IFT80: variants seen among roughly 807,000 people sequenced by gnomAD.
IFT80 encodes intraflagellar transport protein 80 homolog.
IFT80 carries 79 observed loss-of-function variants against 107.9 expected under a neutral mutation model. The ratio of observed to expected loss-of-function variants is 0.73; its 90% confidence interval spans 0.61 to 0.88. IFT80 has a LOEUF of 0.88. IFT80 is among the 40% of genes least tolerant of loss of function. IFT80 has a pLI of 0.00. For synonymous variants in IFT80, 299 were observed against 300.9 expected (o/e 0.99, Z 0.07); for missense variants, 797 against 914.2 (o/e 0.87, Z 1.65).
At chr3:160,360,362 G>C (rs934560136) in intron 6 of IFT80, among the ~76,000 whole-genome samples, 4 of 152,180 alleles carry the variant, frequency 2.6e-5, no homozygotes, top group Admixed American at 6.5e-5. Flanking sequence ...TATGTGAAAA[G>C]ACCAAATCTA....
intron 12 of IFT80, among the ~76,000 whole-genome samples, chr3:160,292,410 C>T (rs1364159096): frequency 6.6e-6 from 1 of 151,436 alleles, no homozygotes; most frequent in African/African-American, 2.4e-5. Context: ...CTTGCATTAC[C>T]AGCATGAGTA....
At chr3:160,356,840 AT>A (rs1260487048) in intron 7 of IFT80, among the ~76,000 whole-genome samples, 3 of 151,894 alleles carry the variant, frequency 2.0e-5, no homozygotes, top group Non-Finnish European at 4.4e-5. Context: ...TTTTGCTTAA[AT>A]TTTTTCTCCC....
At chr3:160,370,195 T>TTA (rs1342502959) in intron 5 of IFT80, among the ~76,000 whole-genome samples, 1 of 152,168 alleles carries the variant, frequency 6.6e-6, no homozygotes, top group African/African-American at 2.4e-5. Context: ...TGTTCACTAC[T>TTA]CTAATAAATT....
chr3:160,371,682 A>T (rs567222274), intron 5 of IFT80, among the ~76,000 whole-genome samples: 1 of 152,156 alleles, frequency 6.6e-6, no homozygotes, highest in Non-Finnish European at 1.5e-5. Flanking sequence ...GGCTCAAGTG[A>T]TCTGCCCACT....
At chr3:160,348,040 C>G (rs1327110896) in intron 8 of IFT80, among the ~76,000 whole-genome samples, 1 of 152,114 alleles carries the variant, frequency 6.6e-6, no homozygotes, top group Non-Finnish European at 1.5e-5. Context: ...CTCATTTCCT[C>G]CTGCTCAAGT....
At chr3:160,393,049 C>T (rs1225308397) in intron 1 of IFT80, among the ~76,000 whole-genome samples, 1 of 152,114 alleles carries the variant, frequency 6.6e-6, no homozygotes, top group African/African-American at 2.4e-5. Flanking sequence ...CCCAGCCTGG[C>T]CAACAGAGTG....
chr3:160,281,306 C>G (rs1714671080), intron 14 of IFT80, among the ~76,000 whole-genome samples: 1 of 152,188 alleles, frequency 6.6e-6, no homozygotes, highest in Non-Finnish European at 1.5e-5. Flanking sequence ...AGCAAGAGGC[C>G]AAGATCCACA....
At chr3:160,366,294 G>C (rs1036978726) in intron 5 of IFT80, 142 bp from the exon 6 acceptor site, 5 of 664,660 alleles carry the variant, frequency 7.5e-6, no homozygotes, top group East Asian at 2.7e-5. Flanking sequence ...TTTCAAATTA[G>C]AGTATATAGT....
chr3:160,298,844 A>G (rs1716192927), intron 12 of IFT80, among the ~76,000 whole-genome samples: 1 of 152,102 alleles, frequency 6.6e-6, no homozygotes, highest in South Asian at 2.1e-4. Flanking sequence ...CTGTAACACA[A>G]TGGTATTTGT....
At chr3:160,346,112 G>A (rs1189014513) in intron 8 of IFT80, among the ~76,000 whole-genome samples, 5 of 152,258 alleles carry the variant, frequency 3.3e-5, no homozygotes, top group African/African-American at 9.6e-5. Context: ...CAGGTGGTGC[G>A]TAGTGGGGAA....
chr3:160,303,112 A>G (rs1716562246), intron 11 of IFT80, among the ~76,000 whole-genome samples: 2 of 152,180 alleles, frequency 1.3e-5, no homozygotes, highest in Admixed American at 1.3e-4. Flanking sequence ...CACTATTAAG[A>G]GTTGCCTACA....
rs1576709399 is a variant in IFT80, at chr3:160,258,464, T to A, written c.*61A>T. 2 of 1,607,332 alleles carry A rather than the reference T, an allele frequency of 1.2e-6. No homozygotes were observed. The highest frequency in any genetic ancestry group is 4.5e-5 in the East Asian group (2 of 44,776). ...TTTTCTTTAGCAACCAAAACATGCT[T>A]ACCCTTGGTTAATCAGAACGTGTTT... is the stretch of plus-strand genomic sequence containing the variant. On this transcript the variant is annotated 3_prime_UTR_variant, in exon 20 of 20. Transcript: ENST00000326448.
chr3:160,375,745 G>C, intron 5 of IFT80, 67 bp downstream of exon 5: 1 of 1,081,048 alleles, frequency 9.3e-7, no homozygotes, highest in Non-Finnish European at 1.4e-6. Flanking sequence ...TGTTTCTAAA[G>C]GAAAACTTTA....
intron 14 of IFT80, among the ~76,000 whole-genome samples, chr3:160,281,409 T>G (rs1714682238): frequency 6.6e-6 from 1 of 152,088 alleles, no homozygotes; most frequent in South Asian, 2.1e-4. Context: ...CTTGGACTCT[T>G]GAGGGTGGAA....
Position 160,366,079 on chromosome 3 carries a change from G to A in IFT80, c.513C>T (p.Ile171=). Reference sequence around the variant, plus strand: ...TAGCATTTGGTTGAAGAGGTTTAATGATTAGCTGCTTGCCTGCTGTATAAA... The same window carrying A: ...TAGCATTTGGTTGAAGAGGTTTAATAATTAGCTGCTTGCCTGCTGTATAAA... ...KVLYTAGKQL[I]IKPLQPNAKV... is the part of the protein sequence containing the mutation. The change falls in exon 6 of 20, where the codon ATC becomes ATT. Residue 171 remains isoleucine, a synonymous_variant. Coordinates refer to ENST00000326448, the MANE Select transcript of IFT80 (RefSeq NM_020800.3). 1.2e-6 allele frequency: 2 copies of A among 1,612,504 alleles called. No individual in the cohort carries two copies. Among genetic ancestry groups the A allele is most frequent in the Non-Finnish European group, 1.7e-6 (2 of 1,179,020 alleles).
intron 12 of IFT80, among the ~76,000 whole-genome samples, 184 bp downstream of exon 12, chr3:160,300,699 G>T (rs1369397344): frequency 1.3e-5 from 2 of 151,900 alleles, no homozygotes; most frequent in Non-Finnish European, 2.9e-5. Flanking sequence ...CTATTAACTG[G>T]ATATAGTATG....
At chr3:160,348,439 A>G (rs551801847) in intron 8 of IFT80, among the ~76,000 whole-genome samples, 113 of 152,328 alleles carry the variant, frequency 7.4e-4, no homozygotes, top group Middle Eastern at 6.8e-3. Flanking sequence ...GATAACACCT[A>G]TGTACTCCAG....
chr3:160,339,656 C>G (rs537458602), intron 8 of IFT80, among the ~76,000 whole-genome samples: 1 of 151,984 alleles, frequency 6.6e-6, no homozygotes, highest in Non-Finnish European at 1.5e-5. Context: ...TCGTTTGATA[C>G]AAATAATTTC....
chr3:160,272,734 ATC>A (rs1170792478), intron 18 of IFT80, among the ~76,000 whole-genome samples: 1 of 152,118 alleles, frequency 6.6e-6, no homozygotes, highest in Non-Finnish European at 1.5e-5. Context: ...AATGTCTAGG[ATC>A]TCTCATGAAC....
Sources: allele counts gnomAD v4.1 joint callset (sites outside exome capture counted in the v4.1 genomes callset), GRCh38; gene constraint gnomAD v4.1.1; transcripts MANE v1.5; gene names NCBI Gene and HGNC (gene_info 2026-07-23, HGNC 2026-07-21).